Variants in ATR observed in about 807,000 individuals in gnomAD.
ATR encodes the protein serine/threonine-protein kinase ATR.
ATR carries 142 observed loss-of-function variants against 305.3 expected under a neutral mutation model. That is an observed-to-expected ratio of 0.47 (90% CI 0.41 to 0.53). ATR has a LOEUF of 0.53. Ranked by LOEUF, ATR falls within the 20% of genes least tolerant of loss-of-function variation. The pLI, the probability that ATR is intolerant of heterozygous loss-of-function variation, is 0.00. For synonymous variants in ATR, 1,050 were observed against 1,068.1 expected (o/e 0.98, Z 0.33); for missense variants, 2,135 against 3,133.1 (o/e 0.68, Z 7.60).
intron 1 of ATR, among the ~76,000 whole-genome samples, chr3:142,568,553 C>G (rs1196324031): frequency 2.6e-5 from 4 of 152,172 alleles, no homozygotes; most frequent in Admixed American, 2.6e-4. Flanking sequence ...AGCCCCGCCC[C>G]CTTCTGAGGT....
Position 142,459,262 on chromosome 3 carries a change from C to T in ATR, c.7314G>A (p.Glu2438=), listed in dbSNP as rs2108261454. 1 of 1,613,936 alleles carries T rather than the reference C, an allele frequency of 6.2e-7. No homozygotes were observed. Among genetic ancestry groups the T allele is most frequent in the Non-Finnish European group, 8.5e-7 (1 of 1,179,874 alleles). ...GATCAGGGAATGTTCTCAGAAACCA[C>T]TCATGAAAAATAGGAGGATGCCTGG... ...LLPRHPPIFH[E]WFLRTFPDPT... Residue 2438 remains glutamate (E), a synonymous_variant, in exon 43 of 47, where the codon GAG becomes GAA. Transcript: ENST00000350721.
chr3:142,471,375 A>C (rs1361322821), intron 36 of ATR, among the ~76,000 whole-genome samples: 1 of 152,176 alleles, frequency 6.6e-6, no homozygotes, highest in Non-Finnish European at 1.5e-5. Context: ...CACTGCTTTC[A>C]TGTTTTAGCT....
chr3:142,553,261 C>CT lies in ATR; in HGVS notation c.2770dup (p.Ser924LysfsTer7). 1 of 1,614,110 alleles carries CT rather than the reference C, an allele frequency of 6.2e-7. No homozygotes were observed. Among genetic ancestry groups the CT allele is most frequent in the Non-Finnish European group, 8.5e-7 (1 of 1,180,008 alleles). ...GGGTTTCTTATACTGGCTGAAAAAA[C>CT]TTTGCAGTTTAACACTTTTAGCTGC... On this transcript the variant is annotated frameshift_variant, in exon 13 of 47. Coordinates refer to ENST00000350721, the MANE Select transcript of ATR (RefSeq NM_001184.4). LOFTEE classifies it high-confidence loss of function.
chr3:142,527,467 T>C (rs2033443734), intron 21 of ATR, among the ~76,000 whole-genome samples: 1 of 152,160 alleles, frequency 6.6e-6, no homozygotes, highest in Non-Finnish European at 1.5e-5. Context: ...AGGAAAAGTA[T>C]ACATGTTTAC....
intron 35 of ATR, among the ~76,000 whole-genome samples, chr3:142,488,102 G>C (rs2031058848): frequency 6.6e-6 from 1 of 152,208 alleles, no homozygotes; most frequent in African/African-American, 2.4e-5. Context: ...CAATAGATTA[G>C]AGGGTGAGGG....
chr3:142,488,926 C>CT (rs1292886898), intron 35 of ATR, among the ~76,000 whole-genome samples: 1 of 152,036 alleles, frequency 6.6e-6, no homozygotes, highest in Non-Finnish European at 1.5e-5. Flanking sequence ...TTATTTAGTT[C>CT]TTTTTTACTT....
chr3:142,460,688 T>C (rs1331657859), intron 42 of ATR, among the ~76,000 whole-genome samples: 2 of 152,206 alleles, frequency 1.3e-5, no homozygotes, highest in East Asian at 1.9e-4. Flanking sequence ...GCAAATACCA[T>C]ACAAATTATG....
chr3:142,517,351 A>C (rs1415874747), intron 24 of ATR, among the ~76,000 whole-genome samples: 6 of 20,088 alleles, frequency 3.0e-4, no homozygotes, highest in African/African-American at 2.2e-3. Context: ...AGCCCAAATT[A>C]AAAAAAAAAA....
At chr3:142,496,589 C>G in intron 33 of ATR, 69 bp from the exon 34 acceptor site, 1 of 1,511,200 alleles carries the variant, frequency 6.6e-7, no homozygotes, top group Non-Finnish European at 9.1e-7. Flanking sequence ...TAACTTAAAA[C>G]AATTTAAATC....
intron 36 of ATR, among the ~76,000 whole-genome samples, chr3:142,475,467 T>C (rs1256665474): frequency 6.6e-6 from 1 of 152,226 alleles, no homozygotes; most frequent in Non-Finnish European, 1.5e-5. Flanking sequence ...ATGGGGTATA[T>C]GTGCCACATT....
At position 142,535,394 on chromosome 3, in the gene ATR, T is replaced by C. The variant is rs193113183; in HGVS notation, c.3820-189A>G. Among the ~76,000 whole-genome samples the C allele has an allele frequency of 1.6e-3, 245 of 152,286 alleles. 1 individual carries two copies. Among genetic ancestry groups the C allele is most frequent in the African/African-American group, 4.7e-3 (194 of 41,570 alleles). ...GTAATTCTGAGGGAAAGGGATTTCATTGTAAAACTGTTAGACCTGGAGAAA... is the reference window on the plus strand; with the variant it reads ...GTAATTCTGAGGGAAAGGGATTTCACTGTAAAACTGTTAGACCTGGAGAAA... On this transcript the variant is annotated intron_variant, in intron 20 of 46. Coordinates refer to ENST00000350721, the MANE Select transcript of ATR (RefSeq NM_001184.4).
chr3:142,466,588 C>T (rs1384392935), intron 39 of ATR, 55 bp from the exon 40 acceptor site: 4 of 1,486,280 alleles, frequency 2.7e-6, no homozygotes, highest in Non-Finnish European at 2.8e-6. Flanking sequence ...TCCACTATAA[C>T]AAAAATTTCA....
At chr3:142,480,617 C>A (rs892796926) in intron 36 of ATR, among the ~76,000 whole-genome samples, 1 of 152,222 alleles carries the variant, frequency 6.6e-6, no homozygotes, top group Non-Finnish European at 1.5e-5. Flanking sequence ...TCAAAGCTGT[C>A]AGACAGGGAC....
intron 42 of ATR, among the ~76,000 whole-genome samples, chr3:142,459,977 AT>A (rs924373964): frequency 4.4e-4 from 67 of 152,170 alleles, no homozygotes; most frequent in African/African-American, 1.5e-3. Context: ...ATATACATAT[AT>A]TTTTTACACT....
chr3:142,492,498 A>G (rs1197420748), intron 35 of ATR, among the ~76,000 whole-genome samples: 1 of 152,172 alleles, frequency 6.6e-6, no homozygotes, highest in African/African-American at 2.4e-5. Flanking sequence ...CTGTCCCACA[A>G]ATTCTAGCCA....
At chr3:142,577,578 A>G (rs1298912117) in intron 1 of ATR, among the ~76,000 whole-genome samples, 1 of 152,232 alleles carries the variant, frequency 6.6e-6, no homozygotes, top group Non-Finnish European at 1.5e-5. Context: ...TTTTATTCAT[A>G]TATTGAGACT....
intron 45 of ATR, 108 bp downstream of exon 45, chr3:142,457,496 C>A: frequency 2.3e-6 from 3 of 1,306,306 alleles, no homozygotes; most frequent in Non-Finnish European, 3.2e-6. Flanking sequence ...TTTAAAAAAA[C>A]TATTTCAGTC....
intron 38 of ATR, among the ~76,000 whole-genome samples, chr3:142,468,530 A>G (rs933609225): frequency 6.6e-6 from 1 of 152,228 alleles, no homozygotes; most frequent in African/African-American, 2.4e-5. Flanking sequence ...TAGAAAATAT[A>G]CAAATAAAAT....
intron 42 of ATR, 90 bp from the exon 43 acceptor site, chr3:142,459,473 A>C (rs1577497570): frequency 7.2e-7 from 1 of 1,387,688 alleles, no homozygotes; most frequent in East Asian, 2.3e-5. Flanking sequence ...AGAAACATCT[A>C]CTTTTATTCA....
Sources: allele counts gnomAD v4.1 joint callset (sites outside exome capture counted in the v4.1 genomes callset), GRCh38; gene constraint gnomAD v4.1.1; transcripts MANE v1.5; gene names NCBI Gene and HGNC (gene_info 2026-07-23, HGNC 2026-07-21).